Variants in RPH3AL observed in about 807,000 individuals in gnomAD.
RPH3AL encodes the protein rab effector Noc2.
Under a neutral mutation model 43.1 loss-of-function variants are expected in RPH3AL, and 38 were observed. The observed-to-expected ratio is 0.88, with a 90% CI of 0.68 to 1.15. The LOEUF is 1.15. Ranked by LOEUF, RPH3AL falls within the 50% of genes most tolerant of loss-of-function variation. RPH3AL has a pLI of 0.00. For missense variants in RPH3AL, 462 were observed against 423.2 expected (o/e 1.09, Z -0.81); for synonymous variants, 189 against 176.3 (o/e 1.07, Z -0.57).
Position 230,372 on chromosome 17 carries a change from G to C in RPH3AL, c.614-10636C>G, listed in dbSNP as rs78458358. On this transcript the variant is annotated intron_variant, in intron 7 of 9. Transcript: ENST00000331302. Reference sequence around the variant, plus strand: ...TGAAAGGTGGATGGACGGAAGAAGAGATCGGCTCCCTCCAGAGAGAACGCG... The same window carrying C: ...TGAAAGGTGGATGGACGGAAGAAGACATCGGCTCCCTCCAGAGAGAACGCG... 2.3e-3 allele frequency among the ~76,000 whole-genome samples: 345 copies of C among 152,350 alleles called. 2 individuals are homozygous for C. Among genetic ancestry groups the C allele is most frequent in the African/African-American group, 7.5e-3 (310 of 41,586 alleles).
At chr17:275,534 T>C (rs1250306649) in intron 6 of RPH3AL, among the ~76,000 whole-genome samples, 1 of 152,176 alleles carries the variant, frequency 6.6e-6, no homozygotes, top group Non-Finnish European at 1.5e-5. Flanking sequence ...TCTTTTATTA[T>C]GATTCTTCAA....
chr17:223,284 A>C (rs1279128906), intron 7 of RPH3AL, among the ~76,000 whole-genome samples: 1 of 152,182 alleles, frequency 6.6e-6, no homozygotes, highest in Admixed American at 6.5e-5. Flanking sequence ...CATAACATTT[A>C]ATTAAGTGAT....
intron 7 of RPH3AL, among the ~76,000 whole-genome samples, chr17:232,731 T>C (rs2041256450): frequency 6.6e-6 from 1 of 152,102 alleles, no homozygotes; most frequent in Non-Finnish European, 1.5e-5. Flanking sequence ...GAGATCTGAG[T>C]CAGTGGCTTC....
At position 223,122 on chromosome 17, in the gene RPH3AL, G is replaced by A. The variant is rs138864945; in HGVS notation, c.614-3386C>T. ...GGAGAATCACTTGAACCTGGGAGGCGGAGGTTGCAGTGAGCTGAGATTGCG... is the reference window on the plus strand; with the variant it reads ...GGAGAATCACTTGAACCTGGGAGGCAGAGGTTGCAGTGAGCTGAGATTGCG... On this transcript the variant is annotated intron_variant, in intron 7 of 9. Transcript: ENST00000331302. 1.2e-3 allele frequency among the ~76,000 whole-genome samples: 190 copies of A among 152,002 alleles called. 4 individuals are homozygous for A. The East Asian group carries it at 0.034, about 27-fold the overall frequency.
Position 283,203 on chromosome 17 carries a change from C to G in RPH3AL, c.352-1349G>C, listed in dbSNP as rs12936617. 0.55 allele frequency among the ~76,000 whole-genome samples: 83,970 copies of G among 152,016 alleles called. 25,525 individuals carry two copies. Among genetic ancestry groups the G allele is most frequent in the Non-Finnish European group, 0.68 (46,312 of 67,940 alleles). ...AGGGAAGGTTGCATCTGTTGCTTGGCCTTTTCTGCAGGCTGCCAACTCAGC... is the reference window on the plus strand; with the variant it reads ...AGGGAAGGTTGCATCTGTTGCTTGGGCTTTTCTGCAGGCTGCCAACTCAGC... On this transcript the variant is annotated intron_variant, in intron 5 of 9. Coordinates refer to ENST00000331302, the MANE Select transcript of RPH3AL (RefSeq NM_006987.4). This position sits in a 1 kb window ranked among gnomAD's most constrained non-coding sequence, Gnocchi z 4.2.
rs1020327747 is a variant in RPH3AL, at chr17:215,371, G to A, written c.876+283C>T. 3.3e-5 allele frequency among the ~76,000 whole-genome samples: 5 copies of A among 152,116 alleles called. No individual in the cohort carries two copies. The highest frequency in any genetic ancestry group is 5.9e-5 in the Non-Finnish European group (4 of 68,024). ...CACTCTGCCAAGAGAATGAAAGTTC[G>A]CCCCAGGGGAGCCCGACACGTTTTA... On this transcript the variant is annotated intron_variant, in intron 9 of 9. Transcript: ENST00000331302. This position sits in a 1 kb window ranked among gnomAD's most constrained non-coding sequence, Gnocchi z 4.1.
chr17:226,815 T>C (rs180930006), intron 7 of RPH3AL, among the ~76,000 whole-genome samples: 64 of 152,352 alleles, frequency 4.2e-4, no homozygotes, highest in Non-Finnish European at 8.7e-4. Context: ...TTCACAAAGA[T>C]TTCAGACTCA....
chr17:280,736 G>C (rs945066905), intron 6 of RPH3AL, among the ~76,000 whole-genome samples: 2 of 152,180 alleles, frequency 1.3e-5, no homozygotes, highest in Non-Finnish European at 2.9e-5. Flanking sequence ...ACCCAGAAAG[G>C]ACCACAGAAA....
At chr17:221,789 A>G (rs2040986800) in intron 7 of RPH3AL, among the ~76,000 whole-genome samples, 1 of 114,838 alleles carries the variant, frequency 8.7e-6, no homozygotes, top group Non-Finnish European at 1.8e-5. Context: ...TCACTGAGAC[A>G]ATAGACCCAA....
rs867124429 is a variant in RPH3AL at position 273,399 on chromosome 17, G to A, written c.438+8369C>T. Among the ~76,000 whole-genome samples the A allele has an allele frequency of 2.4e-4, 12 of 50,562 alleles. 1 individual carries two copies. The highest frequency in any genetic ancestry group is 1.0e-3 in the African/African-American group (12 of 11,692). The allele number at this position is 50,562 out of a possible 152,430, so 33.2% of individuals were successfully genotyped here. A position where few individuals can be genotyped will look rare whatever the true frequency, so the allele number is the denominator to read the frequency against. Reference sequence around the variant, plus strand: ...GGTGACGTCAGGGAGAGACCCCAGCGAGGGTGACGTCAGGGTGAGACCCCG... The same window carrying A: ...GGTGACGTCAGGGAGAGACCCCAGCAAGGGTGACGTCAGGGTGAGACCCCG... On this transcript the variant is annotated intron_variant, in intron 6 of 9. Coordinates refer to ENST00000331302, the MANE Select transcript of RPH3AL (RefSeq NM_006987.4).
Position 246,734 on chromosome 17 carries a change from G to C in RPH3AL, c.613+377C>G, listed in dbSNP as rs147222292. 4.8e-3 allele frequency among the ~76,000 whole-genome samples: 736 copies of C among 152,262 alleles called. 2 individuals are homozygous for C. Among genetic ancestry groups the C allele is most frequent in the African/African-American group, 0.016 (676 of 41,540 alleles). ...TACCGAGACACAAGGCAAGTGCCAG[G>C]AAGAGATGGTGAGGGCCTGCCTGGG... On this transcript the variant is annotated intron_variant, in intron 7 of 9. Transcript: ENST00000331302. This position sits in a 1 kb window ranked among gnomAD's most constrained non-coding sequence, Gnocchi z 4.8.
intron 6 of RPH3AL, among the ~76,000 whole-genome samples, chr17:275,250 A>G (rs1036110227): frequency 1.7e-5 from 2 of 114,972 alleles, no homozygotes; most frequent in African/African-American, 2.8e-5. Flanking sequence ...AACAAAAAAC[A>G]AAAAAAGGAG....
rs1444638779 is a variant in RPH3AL at position 283,684 on chromosome 17, G to A, written c.352-1830C>T. Among the ~76,000 whole-genome samples the A allele has an allele frequency of 6.6e-6, 1 of 152,102 alleles. No homozygotes were observed. The highest frequency in any genetic ancestry group is 6.5e-5 in the Admixed American group (1 of 15,278). On this transcript the variant is annotated intron_variant, in intron 5 of 9. Transcript: ENST00000331302. The surrounding 1 kb of genome is among the most constrained non-coding windows in gnomAD (Gnocchi z 4.2). Reference sequence around the variant, plus strand: ...CCCATGAGAGGGAGTGGGAGCATGTGGTCATATCTGTGCCAGTCCTGGGTT... The same window carrying A: ...CCCATGAGAGGGAGTGGGAGCATGTAGTCATATCTGTGCCAGTCCTGGGTT...
At chr17:237,315 T>TG (rs2041422271) in intron 7 of RPH3AL, among the ~76,000 whole-genome samples, 1 of 152,192 alleles carries the variant, frequency 6.6e-6, no homozygotes, top group Non-Finnish European at 1.5e-5. Context: ...ACTCCCCACC[T>TG]GGAACAAATC....
intron 7 of RPH3AL, among the ~76,000 whole-genome samples, chr17:243,059 T>C (rs1339427252): frequency 1.5e-5 from 2 of 129,620 alleles, no homozygotes; most frequent in African/African-American, 3.1e-5. Flanking sequence ...TTGATTACCC[T>C]TCCTCTATTG....
At chr17:233,025 C>A (rs2041267361) in intron 7 of RPH3AL, among the ~76,000 whole-genome samples, 1 of 152,068 alleles carries the variant, frequency 6.6e-6, no homozygotes, top group Non-Finnish European at 1.5e-5. Context: ...GGGGCTAGGA[C>A]TTGGGAAGGA....
chr17:344,458 T>C (rs1224286274), intron 1 of RPH3AL, among the ~76,000 whole-genome samples: 1 of 124,434 alleles, frequency 8.0e-6, no homozygotes, highest in Admixed American at 7.7e-5. Context: ...ATCACCACTA[T>C]CATGACCATC....
At chr17:216,812 G>A (rs1405333630) in intron 8 of RPH3AL, among the ~76,000 whole-genome samples, 5 of 152,114 alleles carry the variant, frequency 3.3e-5, no homozygotes, top group Admixed American at 6.5e-5. Flanking sequence ...GGCACATCAG[G>A]GCTCTGTGGA....
At chr17:326,670 C>T (rs1391469067) in intron 3 of RPH3AL, among the ~76,000 whole-genome samples, 2 of 152,192 alleles carry the variant, frequency 1.3e-5, no homozygotes, top group Non-Finnish European at 2.9e-5. Flanking sequence ...CACTTGAGGT[C>T]AGGAGTTCGA....
Sources: allele counts gnomAD v4.1 joint callset (sites outside exome capture counted in the v4.1 genomes callset), GRCh38; gene constraint gnomAD v4.1.1; non-coding constraint Gnocchi (gnomAD v3.1); transcripts MANE v1.5; gene names NCBI Gene and HGNC (gene_info 2026-07-23, HGNC 2026-07-21).